The following RBFOX2 variants were observed in gnomAD, a reference collection of about 807,000 sequenced individuals.
The protein encoded by RBFOX2 is RNA binding fox-1 homolog 2.
In RBFOX2, 10 loss-of-function variants were observed where a neutral mutation model predicts 49.1. The observed-to-expected ratio is 0.20, with a 90% CI of 0.13 to 0.35. The LOEUF (loss-of-function observed/expected upper bound fraction) is 0.35, where lower values mean the gene tolerates loss of function less well. Among genes scored for constraint, RBFOX2 ranks in the 10% least tolerant of loss-of-function variants. The pLI, the probability that RBFOX2 is intolerant of heterozygous loss-of-function variation, is 1.00. For synonymous variants in RBFOX2, 183 were observed against 187.4 expected (o/e 0.98, Z 0.19); for missense variants, 323 against 486.9 (o/e 0.66, Z 3.17).
chr22:35,917,146 T>C (rs1341254059), intron 1 of RBFOX2, among the ~76,000 whole-genome samples: 1 of 152,118 alleles, frequency 6.6e-6, no homozygotes, highest in Non-Finnish European at 1.5e-5. Flanking sequence ...TCCTAGGTGA[T>C]GGGGGAAAAG....
chr22:35,747,182 A>G (rs1481584286), intron 9 of RBFOX2: 1 of 152,254 alleles, frequency 6.6e-6, no homozygotes, highest in Admixed American at 6.5e-5. Flanking sequence ...TTTTGAAAGT[A>G]CTTGTGACAG....
intron 4 of RBFOX2, among the ~76,000 whole-genome samples, chr22:35,770,421 C>T (rs576088627): frequency 2.0e-4 from 31 of 152,196 alleles, no homozygotes; most frequent in African/African-American, 7.5e-4. Context: ...TATATCTACA[C>T]ACCCACATAC....
chr22:35,780,869 T>C (rs1439375248), intron 3 of RBFOX2, among the ~76,000 whole-genome samples: 2 of 152,224 alleles, frequency 1.3e-5, no homozygotes, highest in Non-Finnish European at 2.9e-5. Context: ...TAAACCTGTA[T>C]TCTCTACATT....
At chr22:35,980,169 G>A (rs766407340) in intron 1 of RBFOX2, among the ~76,000 whole-genome samples, 2 of 152,092 alleles carry the variant, frequency 1.3e-5, no homozygotes, top group Non-Finnish European at 2.9e-5. Flanking sequence ...AGGCCACAAC[G>A]GAATATACTT....
At chr22:35,795,205 AT>A (rs1374373195) in intron 2 of RBFOX2, among the ~76,000 whole-genome samples, 1 of 152,116 alleles carries the variant, frequency 6.6e-6, no homozygotes, top group Non-Finnish European at 1.5e-5. Context: ...CAGGATATAT[AT>A]ATTTTATGTA....
At chr22:35,920,380 T>C (rs1032126436) in intron 1 of RBFOX2, among the ~76,000 whole-genome samples, 4 of 152,218 alleles carry the variant, frequency 2.6e-5, no homozygotes, top group Admixed American at 2.6e-4. Context: ...GTTGGTGCCA[T>C]CAAATTGTTC....
chr22:35,910,849 G>A (rs1344977702), intron 1 of RBFOX2, among the ~76,000 whole-genome samples: 1 of 152,126 alleles, frequency 6.6e-6, no homozygotes, highest in African/African-American at 2.4e-5. Context: ...AGCAATGGCT[G>A]CAGCATCAAA....
intron 2 of RBFOX2, among the ~76,000 whole-genome samples, chr22:35,794,064 C>T (rs1948298932): frequency 6.6e-6 from 1 of 152,100 alleles, no homozygotes; most frequent in Non-Finnish European, 1.5e-5. Flanking sequence ...AATATCACCT[C>T]AATTTTTTAA....
chr22:35,783,087 G>A (rs1602676632), intron 2 of RBFOX2, among the ~76,000 whole-genome samples: 2 of 152,272 alleles, frequency 1.3e-5, no homozygotes, highest in East Asian at 3.9e-4. Flanking sequence ...GTCACAGCCT[G>A]AGGACCGGAA....
chr22:35,754,096 C>CTTTTTTTTTTTTTTTTTT (rs1241289281), intron 9 of RBFOX2, among the ~76,000 whole-genome samples: 1 of 134,258 alleles, frequency 7.4e-6, no homozygotes, highest in South Asian at 2.4e-4. Context: ...GTAGGCAAGT[C>CTTTTTTTTTTTTTTTTTT]TTTTTTTTTT....
chr22:35,860,012 A>G (rs6000018), intron 1 of RBFOX2, among the ~76,000 whole-genome samples: 20,119 of 152,212 alleles, frequency 0.13, 2,866 homozygotes, highest in African/African-American at 0.36. Flanking sequence ...CTTATACAAC[A>G]AAACTTTTTT....
chr22:35,754,115 G>A (rs182778497), intron 9 of RBFOX2, among the ~76,000 whole-genome samples: 51 of 148,738 alleles, frequency 3.4e-4, no homozygotes, highest in African/African-American at 1.1e-3. Context: ...TTTTTGAGAC[G>A]GAGTCTCACT....
chr22:35,933,186 T>C (rs955032544), intron 1 of RBFOX2, among the ~76,000 whole-genome samples: 2 of 152,210 alleles, frequency 1.3e-5, no homozygotes, highest in African/African-American at 4.8e-5. Context: ...TAACTAAGAC[T>C]GGGAGATTCA....
At chr22:35,895,155 T>C (rs1422031161) in intron 1 of RBFOX2, among the ~76,000 whole-genome samples, 1 of 151,744 alleles carries the variant, frequency 6.6e-6, no homozygotes, top group Non-Finnish European at 1.5e-5. Flanking sequence ...TACAGCACAC[T>C]CTCTCTGTAT....
chr22:35,848,571 A>G (rs1365922338), intron 1 of RBFOX2, among the ~76,000 whole-genome samples: 1 of 152,206 alleles, frequency 6.6e-6, no homozygotes, highest in African/African-American at 2.4e-5. Flanking sequence ...TTGGGCCTTT[A>G]GGCCCAAAAT....
intron 1 of RBFOX2, among the ~76,000 whole-genome samples, chr22:35,892,070 T>C (rs1321327544): frequency 6.6e-6 from 1 of 152,220 alleles, no homozygotes; most frequent in Non-Finnish European, 1.5e-5. Context: ...AGTCTGCCTA[T>C]GCAAATGTTC....
intron 1 of RBFOX2, among the ~76,000 whole-genome samples, chr22:35,885,284 C>T (rs1207274233): frequency 6.6e-6 from 1 of 152,174 alleles, no homozygotes; most frequent in African/African-American, 2.4e-5. Context: ...GTGAGACCTT[C>T]AGTCCCACCT....
chr22:35,853,591 T>C (rs1429294872), intron 1 of RBFOX2, among the ~76,000 whole-genome samples: 3 of 152,102 alleles, frequency 2.0e-5, no homozygotes, highest in African/African-American at 4.8e-5. Flanking sequence ...CACCAATATA[T>C]GCCATATGTC....
intron 1 of RBFOX2, among the ~76,000 whole-genome samples, chr22:35,904,679 T>C (rs1569477645): frequency 6.6e-6 from 1 of 152,174 alleles, no homozygotes; most frequent in South Asian, 2.1e-4. Context: ...ACATTCCAAA[T>C]TGTCTCCCTT....
Sources: gnomAD v4.1 joint callset for allele counts (sites outside exome capture counted in the v4.1 genomes callset) on GRCh38, gnomAD v4.1.1 for gene constraint, MANE v1.5 for transcripts, NCBI Gene and HGNC (gene_info 2026-07-23, HGNC 2026-07-21) for gene names.